Variants in MYO5C observed in about 807,000 individuals in gnomAD.
MYO5C encodes myosin VC, also known as unconventional myosin-Vc.
Under a neutral mutation model 235.7 loss-of-function variants are expected in MYO5C, and 194 were observed. That is an observed-to-expected ratio of 0.82 (90% confidence interval 0.73 to 0.93). MYO5C has a LOEUF of 0.93. Ranked by LOEUF, MYO5C falls within the 40% of genes least tolerant of loss-of-function variation. The pLI, the probability that MYO5C is intolerant of heterozygous loss-of-function variation, is 0.00. For missense variants in MYO5C, 2,038 were observed against 2,127.2 expected, an observed-to-expected ratio of 0.96 and a Z score of 0.82; for synonymous variants, 707 against 754.8, an observed-to-expected ratio of 0.94 and a Z score of 1.04.
chr15:52,230,321 T>C (rs1172261995), intron 24 of MYO5C, among the ~76,000 whole-genome samples: 3 of 152,242 alleles, frequency 2.0e-5, no homozygotes, highest in African/African-American at 7.2e-5. Context: ...TCAGTTCCTT[T>C]TAAAACTTGC....
Position 52,212,704 on chromosome 15 carries a change from A to G in MYO5C, c.4141+484T>C, listed in dbSNP as rs115391970. Among the ~76,000 whole-genome samples, 225 of 152,336 alleles carry G rather than the reference A, an allele frequency of 1.5e-3. 1 individual carries two copies. The highest frequency in any genetic ancestry group is 5.3e-3 in the African/African-American group (222 of 41,574). ...AGCATGCACATGGGACATTCCTGTA[A>G]CTGAGGCATGGCTGGGAAGCCCCAT... On this transcript the variant is annotated intron_variant, in intron 34 of 40. Coordinates refer to ENST00000261839, the MANE Select transcript of MYO5C (RefSeq NM_018728.4).
chr15:52,291,736 T>TTTTTTTTC (rs2037394221), intron 1 of MYO5C, among the ~76,000 whole-genome samples: 1 of 71,370 alleles, frequency 1.4e-5, no homozygotes, highest in Non-Finnish European at 3.2e-5. Flanking sequence ...TTTATGTTTT[T>TTTTTTTTC]TTTTTTTTTT....
At chr15:52,212,244 G>A (rs2035458348) in intron 34 of MYO5C, among the ~76,000 whole-genome samples, 1 of 152,186 alleles carries the variant, frequency 6.6e-6, no homozygotes, top group South Asian at 2.1e-4. Context: ...ATGGCGTACA[G>A]TGTCCACAGT....
At chr15:52,257,691 C>T (rs1710181705) in intron 10 of MYO5C, among the ~76,000 whole-genome samples, 1 of 152,210 alleles carries the variant, frequency 6.6e-6, no homozygotes, top group South Asian at 2.1e-4. Context: ...CACTGTCACA[C>T]ACGAGGGTCA....
intron 1 of MYO5C, among the ~76,000 whole-genome samples, chr15:52,286,595 A>G (rs1391350952): frequency 2.0e-5 from 3 of 152,178 alleles, no homozygotes; most frequent in Non-Finnish European, 4.4e-5. Flanking sequence ...GTGCTGTACT[A>G]AGAAAAATTC....
Position 52,235,665 on chromosome 15 carries a change from T to C in MYO5C, c.2962+5A>G, listed in dbSNP as rs1418338832. 6.2e-7 allele frequency: 1 copy of C among 1,604,844 alleles called. No individual in the cohort carries two copies. The highest frequency in any genetic ancestry group is 1.1e-5 in the South Asian group (1 of 88,886). On this transcript the variant is annotated splice_donor_5th_base_variant and intron_variant, in intron 23 of 40. Coordinates refer to ENST00000261839, the MANE Select transcript of MYO5C (RefSeq NM_018728.4). ...ATGTCTGGATTTGTGCCCCCCAAGC[T>C]TTACCTTTTAACTCTTCAGTCTTCT... is the stretch of plus-strand genomic sequence containing the variant.
intron 8 of MYO5C, among the ~76,000 whole-genome samples, chr15:52,267,738 G>T (rs1225897782): frequency 1.3e-5 from 2 of 152,126 alleles, no homozygotes; most frequent in Admixed American, 1.3e-4. Context: ...TACCAATTAG[G>T]ATTTGAATTC....
chr15:52,294,315 C>T (rs569693786), intron 1 of MYO5C, among the ~76,000 whole-genome samples: 1 of 152,318 alleles, frequency 6.6e-6, no homozygotes, highest in East Asian at 1.9e-4. Flanking sequence ...GCTGAAGAAG[C>T]GCTGTTGGCT....
At position 52,193,824 on chromosome 15, in the gene MYO5C, G is replaced by T; in HGVS notation, c.*78C>A. 1.4e-6 allele frequency: 2 copies of T among 1,468,520 alleles called. No individual in the cohort carries two copies. Among genetic ancestry groups the T allele is most frequent in the Non-Finnish European group, 1.9e-6 (2 of 1,080,126 alleles). The allele number at this position is 1,468,520 out of a possible 1,614,324, so 91.0% of individuals were successfully genotyped here. A position where few individuals can be genotyped will look rare whatever the true frequency, so the allele number is the denominator to read the frequency against. The stretch of plus-strand genomic sequence containing the variant: ...CTTAAATCACATTCCAATTTCCACT[G>T]CCAATTAATAAAACACATCCCTCAT... On this transcript the variant is annotated 3_prime_UTR_variant, in exon 41 of 41. Coordinates refer to ENST00000261839, the MANE Select transcript of MYO5C (RefSeq NM_018728.4).
At chr15:52,294,141 C>T (rs2037450225) in intron 1 of MYO5C, among the ~76,000 whole-genome samples, 1 of 152,262 alleles carries the variant, frequency 6.6e-6, no homozygotes, top group Non-Finnish European at 1.5e-5. Flanking sequence ...TAATAAATAT[C>T]TGAGGTTTGA....
chr15:52,221,635 C>T (rs142743359), intron 29 of MYO5C, among the ~76,000 whole-genome samples: 27 of 152,324 alleles, frequency 1.8e-4, no homozygotes, highest in Non-Finnish European at 3.8e-4. Context: ...AAGGGTCCCA[C>T]TGCTACTTTT....
rs569731381 is a variant in MYO5C at position 52,256,990 on chromosome 15, C to A, written c.1314-270G>T. 3.6e-5 allele frequency: 12 copies of A among 330,164 alleles called. No individual in the cohort carries two copies. The South Asian group carries it at 6.0e-4, about 17-fold the overall frequency. 20.5% of individuals were successfully genotyped at this position (330,164 alleles called of 1,614,324 possible). ...TAAGCATGTCACCATATGGTGTAGT[C>A]CGCACAACAACAGTGATATTGGCAA... On this transcript the variant is annotated intron_variant, in intron 10 of 40. Coordinates refer to ENST00000261839, the MANE Select transcript of MYO5C (RefSeq NM_018728.4).
chr15:52,250,520 AG>A (rs1238803072), intron 13 of MYO5C, among the ~76,000 whole-genome samples: 1 of 152,178 alleles, frequency 6.6e-6, no homozygotes, highest in Non-Finnish European at 1.5e-5. Flanking sequence ...CTGGGATTAC[AG>A]GTGTGAGCCA....
intron 24 of MYO5C, among the ~76,000 whole-genome samples, chr15:52,232,382 T>G (rs56086983): frequency 0.28 from 11,509 of 41,424 alleles, 2,288 homozygotes; most frequent in Middle Eastern, 0.67. Flanking sequence ...AAGAAAAGAA[T>G]TCCTGGTGGT....
intron 5 of MYO5C, among the ~76,000 whole-genome samples, chr15:52,273,411 T>C (rs2036967528): frequency 6.6e-6 from 1 of 152,236 alleles, no homozygotes; most frequent in South Asian, 2.1e-4. Context: ...CTCACTGTTA[T>C]GGACTGAATG....
chr15:52,279,672 C>T lies in MYO5C; in HGVS notation c.141G>A (p.Glu47=). 1 of 1,602,744 alleles carries T rather than the reference C, an allele frequency of 6.2e-7. No homozygotes were observed. The highest frequency in any genetic ancestry group is 1.3e-5 in the African/African-American group (1 of 74,654). The part of the protein sequence containing the change: ...VLRLLLEDGT[E]LDYSVNPESL... ...ATTCTGGATTGACAGAATAATCCAG[C>T]TCCTATGGACAAAGATAAAAATTAA... is the stretch of plus-strand genomic sequence containing the variant. Residue 47 remains glutamate, a splice_region_variant and synonymous_variant, in exon 3 of 41, where the codon GAG becomes GAA. Transcript: ENST00000261839.
chr15:52,262,609 G>A (rs2036720783), intron 9 of MYO5C, among the ~76,000 whole-genome samples: 1 of 152,196 alleles, frequency 6.6e-6, no homozygotes, highest in Non-Finnish European at 1.5e-5. Context: ...GACACTGCAG[G>A]CAGGATGGGA....
In MYO5C at chr15:52,277,902, T is replaced by C. The variant is rs1430378848; in HGVS notation, c.449+971A>G. 30 of 455,842 alleles carry C rather than the reference T, an allele frequency of 6.6e-5. No homozygotes were observed. In the Admixed American group the frequency reaches 7.1e-4, roughly 11 times the overall value. 28.2% of individuals were successfully genotyped at this position (455,842 alleles called of 1,614,324 possible). ...GCATCAGAACCAGGAATGGGTGCCC[T>C]CTGAGAGTCCAGCTCACAGACGAAG... On this transcript the variant is annotated intron_variant, in intron 4 of 40. Coordinates refer to ENST00000261839, the MANE Select transcript of MYO5C (RefSeq NM_018728.4).
intron 8 of MYO5C, among the ~76,000 whole-genome samples, chr15:52,268,008 G>GT (rs2036847909): frequency 6.6e-6 from 1 of 152,190 alleles, no homozygotes; most frequent in Admixed American, 6.5e-5. Context: ...TGCCGAAAGT[G>GT]TTTATCTTAT....
Sources: gnomAD v4.1 joint callset for allele counts (sites outside exome capture counted in the v4.1 genomes callset) on GRCh38, gnomAD v4.1.1 for gene constraint, MANE v1.5 for transcripts, NCBI Gene and HGNC (gene_info 2026-07-23, HGNC 2026-07-21) for gene names.